Variants in KANSL1L observed in about 807,000 individuals in gnomAD.
KANSL1L encodes KAT8 regulatory NSL complex subunit 1-like protein.
Under a neutral mutation model 108.6 loss-of-function variants are expected in KANSL1L, and 25 were observed. The ratio of observed to expected loss-of-function variants is 0.23; its 90% CI spans 0.17 to 0.32. The LOEUF is 0.32. Among genes scored for constraint, KANSL1L ranks in the 10% least tolerant of loss-of-function variants. KANSL1L has a pLI of 1.00. For missense variants in KANSL1L, 1,137 were observed against 1,125.7 expected, an observed-to-expected ratio of 1.01 and a Z score of -0.14; for synonymous variants, 405 against 395.1, an observed-to-expected ratio of 1.03 and a Z score of -0.30.
intron 6 of KANSL1L, among the ~76,000 whole-genome samples, chr2:210,071,884 G>T (rs1186083425): frequency 6.6e-6 from 1 of 152,028 alleles, no homozygotes. Flanking sequence ...CTTTTTGGTT[G>T]CACATGGCTG....
At chr2:210,098,301 G>T in intron 4 of KANSL1L, 94 bp from the exon 5 acceptor site, 1 of 1,087,826 alleles carries the variant, frequency 9.2e-7, no homozygotes, top group Non-Finnish European at 1.3e-6. Flanking sequence ...AACTTCTCAT[G>T]ACACACATGT....
At chr2:210,091,787 T>C (rs1406109846) in intron 5 of KANSL1L, among the ~76,000 whole-genome samples, 1 of 152,154 alleles carries the variant, frequency 6.6e-6, no homozygotes, top group East Asian at 1.9e-4. Flanking sequence ...CTTGAACCCT[T>C]CTTCATCCCA....
chr2:210,040,546 A>T lies in KANSL1L; in HGVS notation c.1922-19T>A, dbSNP rs1398871613. On this transcript the variant is annotated intron_variant, in intron 7 of 14. Transcript: ENST00000281772. ...GGCACATCTGGAAAAATAAAATAAAAAAGGTATTTTCAAATACCACTCTTT... is the reference window on the plus strand; with the variant it reads ...GGCACATCTGGAAAAATAAAATAAATAAGGTATTTTCAAATACCACTCTTT... 3 of 1,235,636 alleles carry T rather than the reference A, an allele frequency of 2.4e-6. No homozygotes were observed. Among genetic ancestry groups the T allele is most frequent in the Middle Eastern group, 4.0e-4 (2 of 5,018 alleles). 76.5% of individuals were successfully genotyped at this position (1,235,636 alleles called of 1,614,324 possible). A position where few individuals can be genotyped will look rare whatever the true frequency, so the allele number is the denominator to read the frequency against.
chr2:210,071,834 G>A (rs78284124), intron 6 of KANSL1L, among the ~76,000 whole-genome samples: 21,594 of 151,922 alleles, frequency 0.14, 1,924 homozygotes, highest in East Asian at 0.29. Flanking sequence ...TACAGCGTTT[G>A]TTTTTGCTTT....
chr2:210,041,442 G>A (rs2094163022), intron 7 of KANSL1L, among the ~76,000 whole-genome samples: 4 of 152,082 alleles, frequency 2.6e-5, no homozygotes, highest in Admixed American at 2.6e-4. Context: ...TTTTTTATTT[G>A]TTTTTATTCT....
chr2:210,130,239 T>C (rs2095108227), intron 2 of KANSL1L, among the ~76,000 whole-genome samples: 1 of 152,192 alleles, frequency 6.6e-6, no homozygotes, highest in Non-Finnish European at 1.5e-5. Flanking sequence ...CTGGGAAAGG[T>C]TATGCATTTG....
rs73063916 is a variant in KANSL1L, at chr2:210,022,470, T to C, written c.*479A>G. On this transcript the variant is annotated 3_prime_UTR_variant, in exon 15 of 15. Transcript: ENST00000281772. Reference sequence around the variant, plus strand: ...GGGTCATTGCCAGTGTTTTAAAAACTACATAGGGGTGTGTGTGTGTGTGTA... The same window carrying C: ...GGGTCATTGCCAGTGTTTTAAAAACCACATAGGGGTGTGTGTGTGTGTGTA... 2,499 of 155,578 alleles carry C rather than the reference T, an allele frequency of 0.016. 74 individuals are homozygous for C. Among genetic ancestry groups the C allele is most frequent in the African/African-American group, 0.057 (2,359 of 41,214 alleles). The allele number at this position is 155,578 out of a possible 1,614,324, so 9.6% of individuals were successfully genotyped here. A position where few individuals can be genotyped will look rare whatever the true frequency, so the allele number is the denominator to read the frequency against.
chr2:210,107,510 C>CAAAAAAAA (rs142353453), intron 3 of KANSL1L, among the ~76,000 whole-genome samples: 11 of 122,942 alleles, frequency 8.9e-5, no homozygotes, highest in African/African-American at 2.8e-4. Context: ...TTCTTCTCCT[C>CAAAAAAAA]AAAAAAAAAA....
chr2:210,163,970 T>C (rs967752853), intron 1 of KANSL1L, among the ~76,000 whole-genome samples: 1 of 152,116 alleles, frequency 6.6e-6, no homozygotes, highest in Non-Finnish European at 1.5e-5. Flanking sequence ...TCATGAGATA[T>C]ATTTTATTGT....
rs2094197802 is a variant in KANSL1L at position 210,044,092 on chromosome 2, T to C, written c.1768A>G (p.Lys590Glu). 1 of 1,582,206 alleles carries C rather than the reference T, an allele frequency of 6.3e-7. No individual in the cohort carries two copies. Among genetic ancestry groups the C allele is most frequent in the Non-Finnish European group, 8.6e-7 (1 of 1,165,332 alleles). ...GTAGTGTTTAAAAATGCTGTTTCTT[T>C]TGAAGGCAAAGTCTGCAAGGAAAAA... ...FYWTPQTLPS[K>E]ETAFLNTTQM... The change falls in exon 7 of 15, where the codon AAA becomes GAA. Residue 590 changes from lysine (K) to glutamate (E), a missense_variant. Physicochemically the swap from Lys to Glu is moderately conservative, Grantham distance 56. Around this residue, in one of 3 missense-constraint regions of KANSL1L, gnomAD observed 575 missense variants for 567.1 expected, o/e 1.01. Transcript: ENST00000281772. The surrounding 1 kb of genome is among the most constrained non-coding windows in gnomAD (Gnocchi z 4.2).
At chr2:210,116,606 C>A (rs2094956613) in intron 3 of KANSL1L, among the ~76,000 whole-genome samples, 1 of 152,072 alleles carries the variant, frequency 6.6e-6, no homozygotes, top group African/African-American at 2.4e-5. Flanking sequence ...GACTGGTAAT[C>A]CAGAGAATGC....
chr2:210,036,499 T>C (rs2094105285), intron 8 of KANSL1L, among the ~76,000 whole-genome samples: 1 of 152,070 alleles, frequency 6.6e-6, no homozygotes, highest in Non-Finnish European at 1.5e-5. Context: ...GTATTTATCA[T>C]CTATGTCCAT....
intron 2 of KANSL1L, among the ~76,000 whole-genome samples, chr2:210,144,888 G>A (rs780564043): frequency 1.3e-4 from 20 of 152,058 alleles, no homozygotes; most frequent in Non-Finnish European, 2.8e-4. Context: ...GGCTTTTCAC[G>A]TTGCTTGTTA....
chr2:210,115,849 G>A lies in KANSL1L; in HGVS notation c.1231-11548C>T, dbSNP rs181310855. On this transcript the variant is annotated intron_variant, in intron 3 of 14. Transcript: ENST00000281772. ...AAATGTTACCATAAAAATAGCATGAGAGAGGGGAGGCAGAACAAGACGGCT... is the reference window on the plus strand; with the variant it reads ...AAATGTTACCATAAAAATAGCATGAAAGAGGGGAGGCAGAACAAGACGGCT... 1.4e-3 allele frequency among the ~76,000 whole-genome samples: 217 copies of A among 152,288 alleles called. 3 individuals carry two copies. Among genetic ancestry groups the A allele is most frequent in the African/African-American group, 5.0e-3 (209 of 41,550 alleles).
At chr2:210,142,946 C>A (rs1388560863) in intron 2 of KANSL1L, among the ~76,000 whole-genome samples, 2 of 152,052 alleles carry the variant, frequency 1.3e-5, no homozygotes, top group Non-Finnish European at 2.9e-5. Context: ...TTCTATATAT[C>A]TCTGTTAGGT....
chr2:210,068,156 G>A lies in KANSL1L; in HGVS notation c.1755+7396C>T, dbSNP rs1040624454. ...CTCCCAAAGTGCTGGGATTACAGGCGTGAGCCACCGCGCCCGGCTGCATAT... is the reference window on the plus strand; with the variant it reads ...CTCCCAAAGTGCTGGGATTACAGGCATGAGCCACCGCGCCCGGCTGCATAT... On this transcript the variant is annotated intron_variant, in intron 6 of 14. Coordinates refer to ENST00000281772, the MANE Select transcript of KANSL1L (RefSeq NM_152519.4). 2.2e-4 allele frequency among the ~76,000 whole-genome samples: 33 copies of A among 152,304 alleles called. No individual in the cohort carries two copies. In the South Asian group the frequency reaches 6.0e-3, roughly 28 times the overall value.
chr2:210,083,970 T>C (rs984773715), intron 5 of KANSL1L, among the ~76,000 whole-genome samples: 4 of 152,090 alleles, frequency 2.6e-5, no homozygotes, highest in African/African-American at 7.2e-5. Context: ...TTGCCTGGTA[T>C]AGAGAAAACA....
At chr2:210,041,131 A>C (rs915922735) in intron 7 of KANSL1L, among the ~76,000 whole-genome samples, 6 of 152,192 alleles carry the variant, frequency 3.9e-5, no homozygotes, top group Non-Finnish European at 5.9e-5. Context: ...TTTTGTTTTT[A>C]AATAGAGGCT....
chr2:210,098,219 C>G lies in KANSL1L; in HGVS notation c.1429-12G>C. 6.2e-7 allele frequency: 1 copy of G among 1,605,878 alleles called. No homozygotes were observed. The highest frequency in any genetic ancestry group is 8.5e-7 in the Non-Finnish European group (1 of 1,176,544). Reference sequence around the variant, plus strand: ...GTCAACTGTGCACTCTGCAAGGAAACAGTCAACCTTTTACTACTGCTAAGC... The same window carrying G: ...GTCAACTGTGCACTCTGCAAGGAAAGAGTCAACCTTTTACTACTGCTAAGC... On this transcript the variant is annotated splice_polypyrimidine_tract_variant and intron_variant, in intron 4 of 14. Coordinates refer to ENST00000281772, the MANE Select transcript of KANSL1L (RefSeq NM_152519.4).
Sources: gnomAD v4.1 joint callset for allele counts (sites outside exome capture counted in the v4.1 genomes callset) on GRCh38, gnomAD v4.1.1 for gene constraint, gnomAD v4.1.1 regional missense constraint, Gnocchi (gnomAD v3.1) non-coding constraint, MANE v1.5 for transcripts, NCBI Gene and HGNC (gene_info 2026-07-23, HGNC 2026-07-21) for gene names.